POLR2F: variants seen among roughly 807,000 people sequenced by gnomAD.
POLR2F encodes DNA-directed RNA polymerases I, II, and III subunit RPABC2.
In POLR2F, 12 loss-of-function variants were observed where a neutral mutation model predicts 22.7. That is an observed-to-expected ratio of 0.53 (90% CI 0.34 to 0.86). The LOEUF is 0.86. Among genes scored for constraint, POLR2F ranks in the 40% least tolerant of loss-of-function variants. The pLI, the probability that POLR2F is intolerant of heterozygous loss-of-function variation, is 0.02. For synonymous variants in POLR2F, 57 were observed against 66.0 expected, an observed-to-expected ratio of 0.86 and a Z score of 0.66; for missense variants, 126 against 171.5, an observed-to-expected ratio of 0.73 and a Z score of 1.48.
intron 2 of POLR2F, among the ~76,000 whole-genome samples, chr22:37,958,153 A>G (rs968636460): frequency 3.3e-5 from 5 of 150,192 alleles, no homozygotes; most frequent in Non-Finnish European, 5.9e-5. Flanking sequence ...CTGGGACTGC[A>G]GGTTCTGCAC....
chr22:38,020,206 T>TACACACACACAC (rs112285508), intron 1 of POLR2F, among the ~76,000 whole-genome samples: 5 of 144,710 alleles, frequency 3.5e-5, no homozygotes, highest in African/African-American at 1.0e-4. Context: ...CACACATATA[T>TACACACACACAC]ACACACACAC....
At chr22:37,996,688 GCT>G (rs1342115932) in intron 1 of POLR2F, among the ~76,000 whole-genome samples, 3 of 152,164 alleles carry the variant, frequency 2.0e-5, no homozygotes, top group Admixed American at 2.0e-4. Flanking sequence ...GAAAGGCTGG[GCT>G]CTGTCAGTAA....
chr22:38,035,766 G>C (rs1035401262), intron 5 of POLR2F, among the ~76,000 whole-genome samples: 1 of 152,154 alleles, frequency 6.6e-6, no homozygotes. Context: ...TGGCGGGAGC[G>C]GGTGGGAGGT....
At chr22:37,988,158 CTAA>C (rs1932636128) in intron 1 of POLR2F, 1 of 117,014 alleles carries the variant, frequency 8.5e-6, no homozygotes. Context: ...CTTGTCTCTA[CTAA>C]AAAAAAAAAA....
At chr22:38,009,247 G>A (rs2084851137) in intron 1 of POLR2F, among the ~76,000 whole-genome samples, 1 of 152,230 alleles carries the variant, frequency 6.6e-6, no homozygotes, top group African/African-American at 2.4e-5. Context: ...CAGTGGGGCT[G>A]CGAGGGTTTC....
intron 1 of POLR2F, among the ~76,000 whole-genome samples, chr22:38,007,546 C>T (rs1205203054): frequency 1.3e-5 from 2 of 152,176 alleles, no homozygotes; most frequent in Admixed American, 6.5e-5. Flanking sequence ...CGGGGCCGCC[C>T]CCATGCCTCC....
intron 5 of POLR2F, chr22:38,040,460 G>A (rs534960418): frequency 6.5e-6 from 1 of 153,820 alleles, no homozygotes; most frequent in Admixed American, 6.5e-5. Flanking sequence ...AGGTCAGCAG[G>A]GAGCTCCTGA....
chr22:38,034,515 C>T (rs2085096414), intron 5 of POLR2F, among the ~76,000 whole-genome samples: 1 of 152,192 alleles, frequency 6.6e-6, no homozygotes. Flanking sequence ...ACCGAAGTGC[C>T]CAGCATGGGG....
downstream of POLR2F, among the ~76,000 whole-genome samples, chr22:37,969,732 C>T (rs1931989008): frequency 6.6e-6 from 1 of 152,170 alleles, no homozygotes; most frequent in Non-Finnish European, 1.5e-5. Flanking sequence ...TGATCCATGA[C>T]AAAATTCTAG....
rs372278960 is a variant in POLR2F at position 38,017,705 on chromosome 22, C to T, written c.121-8164C>T. ...CTTCCTGTAGGTCTCTCTGTAGCAC[C>T]AGCCAAGAAGTCACCCGCCCCCGCT... On this transcript the variant is annotated intron_variant, in intron 1 of 2. Transcript: ENST00000333418. The surrounding 1 kb of genome is among the most constrained non-coding windows in gnomAD (Gnocchi z 4.1). Among the ~76,000 whole-genome samples, 7 of 152,300 alleles carry T rather than the reference C, an allele frequency of 4.6e-5. No homozygotes were observed. In the East Asian group the frequency reaches 1.2e-3, roughly 25 times the overall value.
intron 3 of POLR2F, among the ~76,000 whole-genome samples, chr22:37,965,286 C>T (rs942744558): frequency 1.6e-4 from 25 of 152,210 alleles, no homozygotes; most frequent in Non-Finnish European, 2.5e-4. Flanking sequence ...TGATTAGAGG[C>T]GTGAGCCACT....
At chr22:38,002,827 G>A (rs1477870964) in intron 1 of POLR2F, among the ~76,000 whole-genome samples, 1 of 151,274 alleles carries the variant, frequency 6.6e-6, no homozygotes, top group African/African-American at 2.4e-5. Context: ...CTGGGTTCAC[G>A]CCATTCTCCT....
chr22:37,974,109 T>C (rs749628775), downstream of POLR2F: 11 of 1,611,186 alleles, frequency 6.8e-6, no homozygotes, highest in South Asian at 5.5e-5. This position sits in a 1 kb window ranked among gnomAD's most constrained non-coding sequence, Gnocchi z 5.4. Flanking sequence ...CCCTCCCCCA[T>C]GGAGCGCCCG....
intron 1 of POLR2F, among the ~76,000 whole-genome samples, chr22:38,018,908 AG>A (rs1463207074): frequency 6.6e-6 from 1 of 152,226 alleles, no homozygotes; most frequent in African/African-American, 2.4e-5. Context: ...CTGGAGGGCC[AG>A]GATGGCTCGG....
exon 3 of POLR2F, chr22:38,026,586 C>T: frequency 3.3e-6 from 1 of 303,822 alleles, no homozygotes; most frequent in South Asian, 2.8e-5. Context: ...CAAAGCCGCC[C>T]CCTCCCCCGG....
chr22:38,035,665 G>A (rs935751078), intron 5 of POLR2F, among the ~76,000 whole-genome samples: 1 of 152,122 alleles, frequency 6.6e-6, no homozygotes. Flanking sequence ...CCTGACACCC[G>A]CAGGCACTTC....
rs1185830797 is a variant in POLR2F at position 37,978,390 on chromosome 22, C to T, written c.293+11220C>T. Among the ~76,000 whole-genome samples, 1 of 152,208 alleles carries T rather than the reference C, an allele frequency of 6.6e-6. No homozygotes were observed. Among genetic ancestry groups the T allele is most frequent in the African/African-American group, 2.4e-5 (1 of 41,452 alleles). ...CTGGAGGGTGAGAGAGGGGTCAGCCCGCTGCTCCTGGCAGCCCCTGAGGAG... is the reference window on the plus strand; with the variant it reads ...CTGGAGGGTGAGAGAGGGGTCAGCCTGCTGCTCCTGGCAGCCCCTGAGGAG... On this transcript the variant is annotated intron_variant, in intron 4 of 4. Coordinates refer to the POLR2F transcript ENST00000405557. The surrounding 1 kb of genome is among the most constrained non-coding windows in gnomAD (Gnocchi z 5.0).
intron 3 of POLR2F, among the ~76,000 whole-genome samples, chr22:37,960,438 C>T (rs1931586819): frequency 6.6e-6 from 1 of 152,158 alleles, no homozygotes; most frequent in African/African-American, 2.4e-5. Context: ...CGCTCTATCA[C>T]CCAGCCTGGA....
chr22:38,032,761 G>A (rs2085078713), intron 5 of POLR2F: 1 of 152,564 alleles, frequency 6.6e-6, no homozygotes, highest in Non-Finnish European at 1.5e-5. Context: ...GTCGAGCTGG[G>A]TCTTGAGGAA....
Sources: gnomAD v4.1 joint callset for allele counts (sites outside exome capture counted in the v4.1 genomes callset) on GRCh38, gnomAD v4.1.1 for gene constraint, Gnocchi (gnomAD v3.1) non-coding constraint, MANE v1.5 for transcripts, NCBI Gene and HGNC (gene_info 2026-07-23, HGNC 2026-07-21) for gene names.